CTDSPL2: variants seen among roughly 807,000 people sequenced by gnomAD.
The protein encoded by CTDSPL2 is CTD small phosphatase-like protein 2.
Under a neutral mutation model 60.0 loss-of-function variants are expected in CTDSPL2, and 5 were observed. That is an observed-to-expected ratio of 0.08 (90% CI 0.04 to 0.18). CTDSPL2 has a LOEUF of 0.18. Ranked by LOEUF, CTDSPL2 falls within the 10% of genes least tolerant of loss-of-function variation. The pLI, the probability that CTDSPL2 is intolerant of heterozygous loss-of-function variation, is 1.00. For missense variants in CTDSPL2, 370 were observed against 548.8 expected (o/e 0.67, Z 3.26); for synonymous variants, 186 against 189.3 (o/e 0.98, Z 0.14).
At chr15:44,510,683 T>G (rs2081550990) in intron 8 of CTDSPL2, among the ~76,000 whole-genome samples, 1 of 152,086 alleles carries the variant, frequency 6.6e-6, no homozygotes, top group Admixed American at 6.6e-5. Flanking sequence ...AGTAGGCAGC[T>G]CAGGAAAGGA....
intron 2 of CTDSPL2, among the ~76,000 whole-genome samples, chr15:44,481,024 G>A (rs1430398810): frequency 2.0e-5 from 3 of 152,004 alleles, no homozygotes; most frequent in Non-Finnish European, 4.4e-5. Context: ...AGGATTGGGT[G>A]ACAAATTGTC....
chr15:44,461,282 T>C (rs919825519), intron 2 of CTDSPL2, among the ~76,000 whole-genome samples: 2 of 152,236 alleles, frequency 1.3e-5, no homozygotes, highest in Non-Finnish European at 2.9e-5. Context: ...CATACAACTT[T>C]TGACTCTCCA....
chr15:44,514,079 G>A (rs910187973), intron 8 of CTDSPL2, among the ~76,000 whole-genome samples: 1 of 152,114 alleles, frequency 6.6e-6, no homozygotes, highest in Non-Finnish European at 1.5e-5. Flanking sequence ...AAAAACTGAG[G>A]TTATTTAAAC....
At chr15:44,478,578 A>G (rs866154058) in intron 2 of CTDSPL2, among the ~76,000 whole-genome samples, 2 of 151,586 alleles carry the variant, frequency 1.3e-5, no homozygotes, top group Non-Finnish European at 2.9e-5. Flanking sequence ...TCCTTAACTC[A>G]CATTTTTTCT....
chr15:44,489,984 C>A (rs2081189106), intron 4 of CTDSPL2, among the ~76,000 whole-genome samples: 1 of 152,022 alleles, frequency 6.6e-6, no homozygotes, highest in Admixed American at 6.6e-5. Context: ...TCAGAAAAAC[C>A]TTTTAGGAAA....
At chr15:44,482,371 C>T (rs932253110) in intron 2 of CTDSPL2, among the ~76,000 whole-genome samples, 1 of 152,202 alleles carries the variant, frequency 6.6e-6, no homozygotes, top group African/African-American at 2.4e-5. Flanking sequence ...CCCAACATAC[C>T]TCTCTCCCCT....
intron 2 of CTDSPL2, among the ~76,000 whole-genome samples, chr15:44,459,488 A>C (rs1004610151): frequency 6.6e-6 from 1 of 152,194 alleles, no homozygotes; most frequent in Non-Finnish European, 1.5e-5. Context: ...AGATCGCACC[A>C]CTGCACTCCA....
intron 2 of CTDSPL2, among the ~76,000 whole-genome samples, chr15:44,461,573 CTTTTTTTTTTTTT>C (rs35540014): frequency 9.5e-5 from 12 of 125,658 alleles, no homozygotes; most frequent in Admixed American, 6.5e-4. Context: ...GTTTCTCTCC[CTTTTTTTTTTTTT>C]TTTTTTTTTT....
intron 8 of CTDSPL2, chr15:44,503,687 G>A (rs2081414465): frequency 3.3e-5 from 5 of 152,198 alleles, no homozygotes; most frequent in Non-Finnish European, 5.9e-5. Flanking sequence ...TCACCACAGT[G>A]CAGCCAAACG....
intron 8 of CTDSPL2, among the ~76,000 whole-genome samples, chr15:44,510,532 G>A (rs1164219296): frequency 6.6e-6 from 1 of 151,894 alleles, no homozygotes; most frequent in Non-Finnish European, 1.5e-5. Context: ...AAATATTATC[G>A]ATTTGAAGAA....
Position 44,491,005 on chromosome 15 carries a change from G to T in CTDSPL2, c.691+6G>T. On this transcript the variant is annotated splice_donor_region_variant and intron_variant, in intron 5 of 12. Coordinates refer to ENST00000260327, the MANE Select transcript of CTDSPL2 (RefSeq NM_016396.3). Reference sequence around the variant, plus strand: ...TGATATCCCACCCCTTACAGGTGAAGAAAATTTCTTTTCTTATACATCTTC... The same window carrying T: ...TGATATCCCACCCCTTACAGGTGAATAAAATTTCTTTTCTTATACATCTTC... The T allele has an allele frequency of 6.2e-7, 1 of 1,606,252 alleles. No individual in the cohort carries two copies.
chr15:44,471,859 A>G (rs1023586253), intron 2 of CTDSPL2, among the ~76,000 whole-genome samples: 1 of 151,950 alleles, frequency 6.6e-6, no homozygotes, highest in Non-Finnish European at 1.5e-5. Flanking sequence ...TGTAAATGAA[A>G]CCATAGTCTA....
At chr15:44,433,573 C>G (rs1348780057) in intron 1 of CTDSPL2, among the ~76,000 whole-genome samples, 1 of 151,962 alleles carries the variant, frequency 6.6e-6, no homozygotes, top group Non-Finnish European at 1.5e-5. Context: ...ACCTCCGCCT[C>G]CCTGGTTCAA....
intron 1 of CTDSPL2, among the ~76,000 whole-genome samples, chr15:44,433,354 A>G (rs984078207): frequency 6.6e-6 from 1 of 150,534 alleles, no homozygotes; most frequent in East Asian, 1.9e-4. Flanking sequence ...AAAAAAGGAC[A>G]AAAAACAGCC....
intron 5 of CTDSPL2, among the ~76,000 whole-genome samples, chr15:44,495,943 C>A (rs1239345914): frequency 6.6e-6 from 1 of 151,552 alleles, no homozygotes; most frequent in Non-Finnish European, 1.5e-5. Flanking sequence ...AAAAAAAAAA[C>A]ACAAAAAACC....
At chr15:44,505,770 C>G (rs1262838811) in intron 8 of CTDSPL2, among the ~76,000 whole-genome samples, 2 of 150,314 alleles carry the variant, frequency 1.3e-5, no homozygotes, top group African/African-American at 4.9e-5. Flanking sequence ...AGAAAACATA[C>G]TATGTGGAAA....
chr15:44,430,550 A>C (rs1331879487), intron 1 of CTDSPL2, among the ~76,000 whole-genome samples: 3 of 151,882 alleles, frequency 2.0e-5, no homozygotes, highest in Non-Finnish European at 4.4e-5. Context: ...CCGAGTCCAA[A>C]ATAGTATTAA....
Position 44,529,008 on chromosome 15 carries a change from TGTG to T in CTDSPL2, c.*4836_*4838del, listed in dbSNP as rs1467116153. The T allele has an allele frequency of 6.6e-6, 1 of 152,238 alleles. No individual in the cohort carries two copies. Among genetic ancestry groups the T allele is most frequent in the African/African-American group, 2.4e-5 (1 of 41,464 alleles). The allele number at this position is 152,238 out of a possible 1,614,324, so 9.4% of individuals were successfully genotyped here. On this transcript the variant is annotated 3_prime_UTR_variant, in exon 13 of 13. Transcript: ENST00000260327. The stretch of plus-strand genomic sequence containing the variant: ...TGATCACCCTACCTCACAGGGTTGT[TGTG>T]GGGATAAATAAAACTTTTATGGAAG...
At chr15:44,521,514 G>A in intron 12 of CTDSPL2, 108 bp downstream of exon 12, 2 of 578,372 alleles carry the variant, frequency 3.5e-6, no homozygotes, top group Non-Finnish European at 5.8e-6. Flanking sequence ...AAAGTCAACT[G>A]TGAGCCAGGT....
Sources: gnomAD v4.1 joint callset for allele counts (sites outside exome capture counted in the v4.1 genomes callset) on GRCh38, gnomAD v4.1.1 for gene constraint, MANE v1.5 for transcripts, NCBI Gene and HGNC (gene_info 2026-07-23, HGNC 2026-07-21) for gene names.